The following PCDH15 variants were observed in gnomAD, a reference collection of about 807,000 sequenced individuals.
The protein encoded by PCDH15 is protocadherin related 15, also known as protocadherin-15.
Under a neutral mutation model 178.5 loss-of-function variants are expected in PCDH15, and 129 were observed. The ratio of observed to expected loss-of-function variants is 0.72; its 90% CI spans 0.63 to 0.84. The LOEUF is 0.84. PCDH15 is among the 40% of genes least tolerant of loss of function. The pLI is 0.00. For missense variants in PCDH15, 2,230 were observed against 2,099.9 expected, an observed-to-expected ratio of 1.06 and a Z score of -1.21; for synonymous variants, 800 against 732.0, an observed-to-expected ratio of 1.09 and a Z score of -1.50.
chr10:54,166,139 C>T (rs537232045), intron 13 of PCDH15, among the ~76,000 whole-genome samples: 1 of 152,106 alleles, frequency 6.6e-6, no homozygotes, highest in East Asian at 1.9e-4. Context: ...TGCCTTTGGC[C>T]GTATCATTTC....
At chr10:54,528,169 G>C (rs1170643032) in intron 2 of PCDH15, among the ~76,000 whole-genome samples, 3 of 151,958 alleles carry the variant, frequency 2.0e-5, no homozygotes, top group Admixed American at 2.0e-4. Context: ...TAATGGGATG[G>C]AAATTTAACC....
At chr10:54,066,991 C>A in intron 17 of PCDH15, 106 bp from the exon 18 acceptor site, 2 of 1,057,630 alleles carry the variant, frequency 1.9e-6, no homozygotes, top group African/African-American at 1.6e-5. Flanking sequence ...TCTCATTTTT[C>A]TTTCTAATCC....
chr10:53,821,727 C>G, intron 32 of PCDH15: 1 of 1,509,590 alleles, frequency 6.6e-7, no homozygotes. Context: ...AAATTAAAAA[C>G]GAGAAAAAAA....
intron 13 of PCDH15, among the ~76,000 whole-genome samples, chr10:54,159,754 G>T (rs2045525679): frequency 6.6e-6 from 1 of 152,092 alleles, no homozygotes; most frequent in Admixed American, 6.5e-5. Context: ...AATTGTCCCT[G>T]TATAGAAATA....
At chr10:53,978,842 G>C (rs534109777) in intron 21 of PCDH15, among the ~76,000 whole-genome samples, 2 of 152,182 alleles carry the variant, frequency 1.3e-5, no homozygotes, top group South Asian at 2.1e-4. Flanking sequence ...TCTATGCATA[G>C]CAAGTGTGAC....
intron 2 of PCDH15, among the ~76,000 whole-genome samples, chr10:54,610,376 C>A (rs2092922105): frequency 6.6e-6 from 1 of 151,786 alleles, no homozygotes; most frequent in Admixed American, 6.6e-5. Context: ...TTATCTCATT[C>A]CATTTACACC....
At chr10:54,640,512 T>A (rs921626884) in intron 2 of PCDH15, among the ~76,000 whole-genome samples, 26 of 152,090 alleles carry the variant, frequency 1.7e-4, no homozygotes, top group African/African-American at 6.3e-4. Flanking sequence ...GATGAAATAA[T>A]ATAATACCTA....
chr10:55,536,409 C>T (rs150669642), intron 2 of PCDH15, among the ~76,000 whole-genome samples: 2 of 152,136 alleles, frequency 1.3e-5, no homozygotes, highest in African/African-American at 4.8e-5. Flanking sequence ...AGAATTCTTT[C>T]AATATGTATT....
At chr10:54,315,420 T>TTTAGACATA (rs1370766178) in intron 8 of PCDH15, among the ~76,000 whole-genome samples, 1 of 152,186 alleles carries the variant, frequency 6.6e-6, no homozygotes, top group Non-Finnish European at 1.5e-5. Context: ...TCATAGATGC[T>TTTAGACATA]GGATATTAGA....
chr10:54,916,879 G>A (rs1156917320), intron 2 of PCDH15, among the ~76,000 whole-genome samples: 4 of 152,154 alleles, frequency 2.6e-5, no homozygotes, highest in South Asian at 2.1e-4. Context: ...TTTTGCAAGT[G>A]ATGAGAATGG....
intron 22 of PCDH15, among the ~76,000 whole-genome samples, chr10:53,960,753 A>G (rs1012754184): frequency 6.6e-6 from 1 of 152,184 alleles, no homozygotes; most frequent in Non-Finnish European, 1.5e-5. Flanking sequence ...TTACAAACTG[A>G]TCAGCTGTTC....
chr10:55,129,531 T>C (rs1433574335), intron 2 of PCDH15, among the ~76,000 whole-genome samples: 1 of 152,128 alleles, frequency 6.6e-6, no homozygotes, highest in Non-Finnish European at 1.5e-5. Flanking sequence ...CATAGTCAAT[T>C]CTTCTCTCTT....
chr10:54,356,669 CT>C (rs1945031340), intron 5 of PCDH15, among the ~76,000 whole-genome samples: 1 of 151,392 alleles, frequency 6.6e-6, no homozygotes, highest in Non-Finnish European at 1.5e-5. Flanking sequence ...AGTCTCAATA[CT>C]GTCAAGGTCA....
intron 21 of PCDH15, among the ~76,000 whole-genome samples, chr10:53,966,847 A>T (rs1354263594): frequency 6.6e-6 from 1 of 151,428 alleles, no homozygotes; most frequent in African/African-American, 2.4e-5. Flanking sequence ...TTTATGAATT[A>T]TATATTTTAA....
At chr10:54,714,777 C>T (rs184024179) in intron 1 of PCDH15, among the ~76,000 whole-genome samples, 1 of 152,160 alleles carries the variant, frequency 6.6e-6, no homozygotes, top group African/African-American at 2.4e-5. Flanking sequence ...TGTTTTTATT[C>T]CCAAACTATA....
chr10:53,823,177 A>C, intron 32 of PCDH15: 1 of 1,614,018 alleles, frequency 6.2e-7, no homozygotes, highest in Non-Finnish European at 8.5e-7. Context: ...TCCTCATCAG[A>C]TAGAAATGTG....
At chr10:54,932,737 A>G (rs774793114) in intron 2 of PCDH15, among the ~76,000 whole-genome samples, 6 of 152,062 alleles carry the variant, frequency 3.9e-5, no homozygotes, top group Non-Finnish European at 8.8e-5. Flanking sequence ...GGGTTTCACC[A>G]TGTTGATCAG....
intron 2 of PCDH15, among the ~76,000 whole-genome samples, chr10:54,598,529 C>A (rs931272019): frequency 1.3e-5 from 2 of 152,088 alleles, no homozygotes; most frequent in Non-Finnish European, 1.5e-5. Context: ...ACTGAATGGG[C>A]AAAAGCTGGA....
intron 17 of PCDH15, among the ~76,000 whole-genome samples, chr10:54,078,012 G>A (rs529101812): frequency 5.1e-4 from 78 of 152,166 alleles, no homozygotes; most frequent in African/African-American, 1.2e-3. Flanking sequence ...GCAGTGAGCC[G>A]AGATGTTTCC....
Sources: allele counts gnomAD v4.1 joint callset (sites outside exome capture counted in the v4.1 genomes callset), GRCh38; gene constraint gnomAD v4.1.1; transcripts MANE v1.5; gene names NCBI Gene and HGNC (gene_info 2026-07-23, HGNC 2026-07-21).